Variants in MEST observed in about 807,000 individuals in gnomAD.
The protein encoded by MEST is mesoderm-specific transcript homolog protein.
MEST carries 18 observed loss-of-function variants against 50.9 expected under a neutral mutation model. That is an observed-to-expected ratio of 0.35 (90% CI 0.24 to 0.52). MEST has a LOEUF of 0.52. MEST is among the 20% of genes least tolerant of loss of function. The probability of loss-of-function intolerance (pLI) is 0.94; values close to 1 mark genes in which losing one functional copy is unlikely to be tolerated. For synonymous variants in MEST, 130 were observed against 154.1 expected, an observed-to-expected ratio of 0.84 and a Z score of 1.16; for missense variants, 282 against 425.3, an observed-to-expected ratio of 0.66 and a Z score of 2.96.
At chr7:130,494,486 A>AT (rs1798962837) in intron 1 of MEST, 2 of 152,170 alleles carry the variant, frequency 1.3e-5, no homozygotes, top group Admixed American at 1.3e-4. Flanking sequence ...AGTCCTGGGC[A>AT]TGGGAGGGTT....
intron 11 of MEST, 102 bp from the exon 12 acceptor site, chr7:130,504,837 C>T: frequency 1.3e-6 from 1 of 770,964 alleles, no homozygotes; most frequent in Non-Finnish European, 2.2e-6. Flanking sequence ...TGGCTCCTTC[C>T]AGTGTGGTGT....
chr7:130,498,781 G>A, intron 6 of MEST: 1 of 469,668 alleles, frequency 2.1e-6, no homozygotes. Context: ...GCAAGTTCTA[G>A]TGGAGGACCT....
intron 1 of MEST, among the ~76,000 whole-genome samples, chr7:130,493,052 C>T (rs1177620744): frequency 1.3e-5 from 2 of 152,246 alleles, no homozygotes; most frequent in African/African-American, 2.4e-5. Context: ...CGCGGTGCAG[C>T]TTAGGATTTC....
chr7:130,503,439 C>G (rs565922149), intron 10 of MEST, among the ~76,000 whole-genome samples: 1 of 152,144 alleles, frequency 6.6e-6, no homozygotes, highest in Admixed American at 6.5e-5. Flanking sequence ...TGAACTGGTA[C>G]GTGCCTAGCA....
chr7:130,498,025 C>T lies in MEST; in HGVS notation c.339+12C>T, dbSNP rs1554437535. Reference sequence around the variant, plus strand: ...TCAGTGACAAACCGGTAAGCAGCACCTATGTGGGGCTGGTGATGGGGTGTG... The same window carrying T: ...TCAGTGACAAACCGGTAAGCAGCACTTATGTGGGGCTGGTGATGGGGTGTG... On this transcript the variant is annotated intron_variant, in intron 4 of 11. Coordinates refer to ENST00000223215, the MANE Select transcript of MEST (RefSeq NM_002402.4). 6.2e-7 allele frequency: 1 copy of T among 1,614,156 alleles called. No individual in the cohort carries two copies. Among genetic ancestry groups the T allele is most frequent in the Non-Finnish European group, 8.5e-7 (1 of 1,180,016 alleles).
upstream of MEST, chr7:130,487,774 G>A (rs1447763839): frequency 6.6e-6 from 1 of 152,254 alleles, no homozygotes. Flanking sequence ...AGCCTCCCAA[G>A]TAGCTGGGAC....
intron 6 of MEST, among the ~76,000 whole-genome samples, chr7:130,499,505 C>A (rs1218908012): frequency 2.0e-5 from 3 of 152,202 alleles, no homozygotes; most frequent in African/African-American, 7.2e-5. Context: ...TATTTTCTCC[C>A]CGTTTCACTA....
chr7:130,494,277 AATTT>A (rs1798952900), intron 1 of MEST, among the ~76,000 whole-genome samples: 1 of 152,218 alleles, frequency 6.6e-6, no homozygotes, highest in South Asian at 2.1e-4. Flanking sequence ...TTTAGCAATT[AATTT>A]ATTTCAGCTC....
In MEST at chr7:130,500,970, G is replaced by A. The variant is rs782585030; in HGVS notation, c.749+80G>A. ...GGATTGCTTGTTCTGTTCCTTGCTGGCTTATTCCCTATCACAGGAAGGCTG... is the reference window on the plus strand; with the variant it reads ...GGATTGCTTGTTCTGTTCCTTGCTGACTTATTCCCTATCACAGGAAGGCTG... On this transcript the variant is annotated intron_variant, in intron 9 of 11. Coordinates refer to ENST00000223215, the MANE Select transcript of MEST (RefSeq NM_002402.4). This position sits in a 1 kb window ranked among gnomAD's most constrained non-coding sequence, Gnocchi z 5.0. 10 of 1,235,510 alleles carry A rather than the reference G, an allele frequency of 8.1e-6. No individual in the cohort carries two copies. Among genetic ancestry groups the A allele is most frequent in the Non-Finnish European group, 1.2e-5 (10 of 868,450 alleles). The allele number at this position is 1,235,510 out of a possible 1,614,324, so 76.5% of individuals were successfully genotyped here.
intron 11 of MEST, among the ~76,000 whole-genome samples, 180 bp downstream of exon 11, chr7:130,504,176 A>C (rs1217918149): frequency 6.6e-6 from 1 of 152,274 alleles, no homozygotes; most frequent in East Asian, 1.9e-4. Context: ...TGTAGTATCA[A>C]GACATTCAGT....
chr7:130,503,238 T>C (rs1458083296), intron 10 of MEST, among the ~76,000 whole-genome samples: 2 of 152,228 alleles, frequency 1.3e-5, no homozygotes, highest in African/African-American at 4.8e-5. Flanking sequence ...CACATAGTGA[T>C]TAGTGCTCAG....
At chr7:130,504,822 T>C (rs920075720) in intron 11 of MEST, 117 bp from the exon 12 acceptor site, 37 of 680,248 alleles carry the variant, frequency 5.4e-5, no homozygotes, top group Non-Finnish European at 8.5e-5. Flanking sequence ...GAATAAGCTC[T>C]TTGGTGGCTC....
upstream of MEST, chr7:130,489,605 G>T (rs1295833149): frequency 1.3e-5 from 2 of 152,204 alleles, no homozygotes; most frequent in African/African-American, 4.8e-5. Context: ...TCTTTGAGCT[G>T]ACTTCTGTAC....
At chr7:130,489,031 G>A (rs985707877), upstream of MEST, 6 of 152,222 alleles carry the variant, frequency 3.9e-5, no homozygotes, top group Non-Finnish European at 8.8e-5. Context: ...GCTCTTGAAA[G>A]TGGCAGTCCC....
chr7:130,499,466 C>A (rs1477475169), intron 6 of MEST, among the ~76,000 whole-genome samples: 1 of 152,180 alleles, frequency 6.6e-6, no homozygotes, highest in African/African-American at 2.4e-5. Flanking sequence ...GGAGTCAGAG[C>A]CTGGTTATCA....
rs1799484728 is a variant in MEST, at chr7:130,506,452, T to G, written c.*1396T>G. ...TTTTCAAGATCACCCAAAGCTGCAC[T>G]ATCGTCCCAAAGCTGACCAAGTAGA... On this transcript the variant is annotated 3_prime_UTR_variant, in exon 12 of 12. Transcript: ENST00000223215. 1 of 297,562 alleles carries G rather than the reference T, an allele frequency of 3.4e-6. No homozygotes were observed. The highest frequency in any genetic ancestry group is 6.2e-6 in the Non-Finnish European group (1 of 161,718). 18.4% of individuals were successfully genotyped at this position (297,562 alleles called of 1,614,324 possible). A position where few individuals can be genotyped will look rare whatever the true frequency, so the allele number is the denominator to read the frequency against.
intron 9 of MEST, chr7:130,501,171 C>G (rs1799264041): frequency 3.7e-6 from 1 of 272,286 alleles, no homozygotes; most frequent in Non-Finnish European, 6.9e-6. Flanking sequence ...GCCTATCTTT[C>G]TGCAGCAACG....
chr7:130,500,517 T>G lies in MEST; in HGVS notation c.632T>G (p.Phe211Cys), dbSNP rs782250315. 1 of 1,613,554 alleles carries G rather than the reference T, an allele frequency of 6.2e-7. No individual in the cohort carries two copies. The highest frequency in any genetic ancestry group is 1.1e-5 in the South Asian group (1 of 90,892). ...SPILTRLMNF[F>C]VFSRGLTPVF... ...ATCCTCACACGACTGATGAACTTCT[T>G]TGTATTCTCTCGAGGGTAAGTGTCA... The change falls in exon 8 of 12, where the codon TTT becomes TGT. Residue 211 changes from phenylalanine (F) to cysteine (C), a missense_variant. Coordinates refer to ENST00000223215, the MANE Select transcript of MEST (RefSeq NM_002402.4). This position sits in a 1 kb window ranked among gnomAD's most constrained non-coding sequence, Gnocchi z 5.0.
chr7:130,493,480 A>C (rs561837866), intron 1 of MEST, among the ~76,000 whole-genome samples: 23 of 152,278 alleles, frequency 1.5e-4, no homozygotes, highest in African/African-American at 5.5e-4. Flanking sequence ...AAAAATCCTA[A>C]AAGTTCATGG....
Sources: gnomAD v4.1 joint callset for allele counts (sites outside exome capture counted in the v4.1 genomes callset) on GRCh38, gnomAD v4.1.1 for gene constraint, Gnocchi (gnomAD v3.1) non-coding constraint, MANE v1.5 for transcripts, NCBI Gene and HGNC (gene_info 2026-07-23, HGNC 2026-07-21) for gene names.